Variants in TSPEAR observed in about 807,000 individuals in gnomAD.
TSPEAR encodes thrombospondin-type laminin G domain and EAR repeat-containing protein.
A neutral mutation model predicts 71.6 loss-of-function variants in TSPEAR; 69 were observed. That is an observed-to-expected ratio of 0.96 (90% CI 0.79 to 1.18). TSPEAR has a LOEUF of 1.18. Ranked by LOEUF, TSPEAR falls within the 50% of genes most tolerant of loss-of-function variation. The pLI is 0.00. For missense variants in TSPEAR, 971 were observed against 894.9 expected, an observed-to-expected ratio of 1.09 and a Z score of -1.09; for synonymous variants, 402 against 387.2, an observed-to-expected ratio of 1.04 and a Z score of -0.45.
In TSPEAR at chr21:44,623,749, G is replaced by A. The variant is rs1443245005; in HGVS notation, c.83-55744C>T. 2.0e-5 allele frequency among the ~76,000 whole-genome samples: 3 copies of A among 151,964 alleles called. No homozygotes were observed. Among genetic ancestry groups the A allele is most frequent in the Non-Finnish European group, 4.4e-5 (3 of 67,996 alleles). ...AAATATATCATTCCATCATCCTCTGGCTGCCATCATTTCTACTGAGAAGTC... is the reference window on the plus strand; with the variant it reads ...AAATATATCATTCCATCATCCTCTGACTGCCATCATTTCTACTGAGAAGTC... On this transcript the variant is annotated intron_variant, in intron 1 of 11. Transcript: ENST00000323084. This position sits in a 1 kb window ranked among gnomAD's most constrained non-coding sequence, Gnocchi z 4.5.
At chr21:44,542,753 AAAAAAGAAAAAGAAAAG>A (rs1353872880) in intron 2 of TSPEAR, among the ~76,000 whole-genome samples, 49 of 150,660 alleles carry the variant, frequency 3.3e-4, no homozygotes, top group African/African-American at 1.0e-3. Flanking sequence ...AAAAAAAAAA[AAAAAAGAAAAAGAAAAG>A]AAAAAAGAAA....
At chr21:44,708,728 A>G (rs1988065307) in intron 1 of TSPEAR, among the ~76,000 whole-genome samples, 1 of 151,664 alleles carries the variant, frequency 6.6e-6, no homozygotes, top group African/African-American at 2.4e-5. Flanking sequence ...CCCTCCCCGA[A>G]TGCTGCTCCC....
At chr21:44,578,235 G>T (rs1002780284) in intron 1 of TSPEAR, among the ~76,000 whole-genome samples, 1 of 151,900 alleles carries the variant, frequency 6.6e-6, no homozygotes, top group Non-Finnish European at 1.5e-5. Context: ...GATATTTAAA[G>T]GAAACCAAAC....
chr21:44,692,304 A>G (rs1555949816), intron 1 of TSPEAR, among the ~76,000 whole-genome samples: 3 of 152,220 alleles, frequency 2.0e-5, no homozygotes, highest in African/African-American at 7.2e-5. Context: ...ACAAGACAGG[A>G]TGTCCCTTTT....
chr21:44,587,964 G>T (rs587615207), intron 1 of TSPEAR, among the ~76,000 whole-genome samples: 20 of 152,276 alleles, frequency 1.3e-4, no homozygotes, highest in Middle Eastern at 3.4e-3. Flanking sequence ...ATTGGCTTAG[G>T]CAAGGATTTC....
intron 1 of TSPEAR, chr21:44,690,707 GT>G: frequency 1.9e-6 from 1 of 523,094 alleles, no homozygotes; most frequent in Non-Finnish European, 2.5e-6. Context: ...AAGCATATGT[GT>G]TTTTCTAAGG....
intron 9 of TSPEAR, among the ~76,000 whole-genome samples, chr21:44,516,781 G>A (rs1011973388): frequency 6.6e-6 from 1 of 152,148 alleles, no homozygotes; most frequent in African/African-American, 2.4e-5. Context: ...TCACAGGACG[G>A]GTTCACCTGC....
intron 1 of TSPEAR, among the ~76,000 whole-genome samples, chr21:44,572,896 G>A (rs1193017581): frequency 1.3e-5 from 2 of 148,320 alleles, no homozygotes; most frequent in African/African-American, 5.0e-5. Flanking sequence ...CGGAGAAGCT[G>A]TGTGAAGATA....
intron 1 of TSPEAR, among the ~76,000 whole-genome samples, chr21:44,595,265 C>T (rs1295434370): frequency 1.3e-5 from 2 of 152,186 alleles, no homozygotes; most frequent in East Asian, 1.9e-4. Flanking sequence ...CGTATATGCA[C>T]ACACACAGCC....
rs749265970 is a variant in TSPEAR at position 44,608,561 on chromosome 21, A to G, written c.83-40556T>C. ...ATAAATTTCTGCAAATCAATAAGAA[A>G]CACAAGTAGCCATATTTTAGAAAGC... On this transcript the variant is annotated intron_variant, in intron 1 of 11. Transcript: ENST00000323084. 1.2e-3 allele frequency among the ~76,000 whole-genome samples: 185 copies of G among 152,354 alleles called. 1 individual carries two copies. The highest frequency in any genetic ancestry group is 1.3e-3 in the Non-Finnish European group (89 of 68,026).
At chr21:44,517,959 C>T (rs2052633393) in intron 9 of TSPEAR, 1 of 421,780 alleles carries the variant, frequency 2.4e-6, no homozygotes, top group Admixed American at 2.9e-5. Flanking sequence ...TCTTTTTTTT[C>T]TAGAACTTTG....
intron 1 of TSPEAR, among the ~76,000 whole-genome samples, chr21:44,707,625 ATT>A (rs1264184096): frequency 2.0e-5 from 3 of 152,106 alleles, no homozygotes; most frequent in Non-Finnish European, 2.9e-5. Flanking sequence ...ATAGTTTAGA[ATT>A]TTATAAAAGG....
At chr21:44,654,848 CGT>C (rs72348326) in intron 1 of TSPEAR, among the ~76,000 whole-genome samples, 64,990 of 133,882 alleles carry the variant, frequency 0.49, 15,046 homozygotes, top group African/African-American at 0.64. Context: ...TTCAGCAGAC[CGT>C]GTGTTTCCTG....
chr21:44,677,375 A>G, intron 1 of TSPEAR: 2 of 1,411,992 alleles, frequency 1.4e-6, no homozygotes, highest in Non-Finnish European at 2.0e-6. Flanking sequence ...TGGAGTGTGC[A>G]TTGACAGCCT....
intron 1 of TSPEAR, chr21:44,676,555 T>TG: frequency 1.4e-6 from 1 of 728,260 alleles, no homozygotes; most frequent in South Asian, 1.5e-5. Flanking sequence ...AACTTGCTCT[T>TG]GACTTAGATG....
chr21:44,562,094 C>T (rs777725052), intron 2 of TSPEAR, among the ~76,000 whole-genome samples: 55 of 152,172 alleles, frequency 3.6e-4, no homozygotes, highest in Non-Finnish European at 6.8e-4. Context: ...ATCATCTCAG[C>T]TCAAAAATTC....
chr21:44,558,128 G>A (rs2053566642), intron 2 of TSPEAR: 1 of 1,613,144 alleles, frequency 6.2e-7, no homozygotes, highest in Non-Finnish European at 8.5e-7. Context: ...GGCAGAGGAG[G>A]GACACGCAGG....
At position 44,663,210 on chromosome 21, in the gene TSPEAR, G is replaced by A. The variant is rs370655894; in HGVS notation, c.82+48223C>T. On this transcript the variant is annotated intron_variant, in intron 1 of 11. Coordinates refer to ENST00000323084, the MANE Select transcript of TSPEAR (RefSeq NM_144991.3). Reference sequence around the variant, plus strand: ...ATGAATAAGCATCTAGCCAGACTGAGCGGTAAAATTATAATAAAAAGAAAA... The same window carrying A: ...ATGAATAAGCATCTAGCCAGACTGAACGGTAAAATTATAATAAAAAGAAAA... Among the ~76,000 whole-genome samples the A allele has an allele frequency of 2.9e-4, 44 of 151,530 alleles. 1 individual carries two copies. The South Asian group carries it at 7.7e-3, about 27-fold the overall frequency.
intron 1 of TSPEAR, among the ~76,000 whole-genome samples, chr21:44,675,628 C>T: frequency 6.6e-6 from 1 of 152,060 alleles, no homozygotes. Flanking sequence ...CCTCACAAGT[C>T]TGATCAGTAA....
Sources: gnomAD v4.1 joint callset for allele counts (sites outside exome capture counted in the v4.1 genomes callset) on GRCh38, gnomAD v4.1.1 for gene constraint, Gnocchi (gnomAD v3.1) non-coding constraint, MANE v1.5 for transcripts, NCBI Gene and HGNC (gene_info 2026-07-23, HGNC 2026-07-21) for gene names.